ORC2: variants seen among roughly 807,000 people sequenced by gnomAD.
ORC2 encodes the protein origin recognition complex protein 2 homolog.
In ORC2, 37 loss-of-function variants were observed where a neutral mutation model predicts 77.7. The observed-to-expected ratio is 0.48, with a 90% CI of 0.37 to 0.63. The LOEUF is 0.63. ORC2 is among the 20% of genes least tolerant of loss of function. The pLI is 0.00. For missense variants in ORC2, 557 were observed against 661.9 expected (o/e 0.84, Z 1.74); for synonymous variants, 201 against 229.5 (o/e 0.88, Z 1.12).
intron 2 of ORC2, among the ~76,000 whole-genome samples, 191 bp from the exon 3 acceptor site, chr2:200,958,324 T>C (rs1286698893): frequency 6.6e-6 from 1 of 152,142 alleles, no homozygotes; most frequent in Non-Finnish European, 1.5e-5. Context: ...TCTAAAAAAT[T>C]GGGGAGGCAA....
chr2:200,942,848 C>A (rs879680741), intron 5 of ORC2, 71 bp from the exon 6 acceptor site: 4 of 848,418 alleles, frequency 4.7e-6, no homozygotes, highest in Non-Finnish European at 7.2e-6. Flanking sequence ...AACCTTATTA[C>A]GCTTACAAAA....
chr2:200,929,364 A>G (rs931919281), intron 11 of ORC2, among the ~76,000 whole-genome samples: 3 of 152,226 alleles, frequency 2.0e-5, no homozygotes, highest in Non-Finnish European at 4.4e-5. Context: ...AATGGACAGG[A>G]AGGAACAAAA....
rs1230467765 is a variant in ORC2 at position 200,909,148 on chromosome 2, AAAAG to A, written c.*2149_*2152del. 6.6e-6 allele frequency: 1 copy of A among 152,190 alleles called. No homozygotes were observed. Among genetic ancestry groups the A allele is most frequent in the Non-Finnish European group, 1.5e-5 (1 of 68,036 alleles). 9.4% of individuals were successfully genotyped at this position (152,190 alleles called of 1,614,324 possible). On this transcript the variant is annotated 3_prime_UTR_variant, in exon 18 of 18. Coordinates refer to ENST00000234296, the MANE Select transcript of ORC2 (RefSeq NM_006190.5). ...TTATAAACTAGATATATTAAGCAAA[AAAAG>A]CAAGGTGCAAACCAGCAAGTATGAT...
At chr2:200,955,987 C>A (rs2041457520) in intron 4 of ORC2, among the ~76,000 whole-genome samples, 1 of 152,190 alleles carries the variant, frequency 6.6e-6, no homozygotes, top group African/African-American at 2.4e-5. Context: ...AAATGCTCCT[C>A]CTAGTTCTGT....
chr2:200,928,932 A>G (rs1395389965), intron 11 of ORC2, among the ~76,000 whole-genome samples: 1 of 152,200 alleles, frequency 6.6e-6, no homozygotes, highest in Non-Finnish European at 1.5e-5. Flanking sequence ...ATACTAAACC[A>G]TTAATTCACT....
rs186647776 is a variant in ORC2, at chr2:200,934,348, T to C, written c.709-374A>G. Among the ~76,000 whole-genome samples the C allele has an allele frequency of 1.9e-3, 282 of 152,048 alleles. 3 individuals carry two copies. The highest frequency in any genetic ancestry group is 6.4e-3 in the African/African-American group (266 of 41,460). On this transcript the variant is annotated intron_variant, in intron 9 of 17. Coordinates refer to ENST00000234296, the MANE Select transcript of ORC2 (RefSeq NM_006190.5). ...TTTCTTTATTGAGGAAGGGTCTCACTCTGTCACCCAGGCTGCAGTGTAGTG... is the reference window on the plus strand; with the variant it reads ...TTTCTTTATTGAGGAAGGGTCTCACCCTGTCACCCAGGCTGCAGTGTAGTG...
intron 4 of ORC2, among the ~76,000 whole-genome samples, chr2:200,952,194 G>T (rs1459624619): frequency 6.6e-6 from 1 of 151,766 alleles, no homozygotes; most frequent in East Asian, 1.9e-4. Flanking sequence ...TTACTGCAAT[G>T]ATAGAACTAC....
intron 4 of ORC2, among the ~76,000 whole-genome samples, chr2:200,952,750 T>C (rs561543784): frequency 1.0e-3 from 151 of 151,730 alleles, no homozygotes; most frequent in African/African-American, 3.6e-3. Context: ...TATCAGTTTA[T>C]TGGAAGAAAA....
Position 200,935,685 on chromosome 2 carries a change from C to G in ORC2, c.708+14G>C. Reference sequence around the variant, plus strand: ...CAATTTTTCTTTAAGGTTAAAGTCTCTCTCTTCACTTACTGTTTTATCTCT... The same window carrying G: ...CAATTTTTCTTTAAGGTTAAAGTCTGTCTCTTCACTTACTGTTTTATCTCT... On this transcript the variant is annotated intron_variant, in intron 9 of 17. Transcript: ENST00000234296. 6.4e-7 allele frequency: 1 copy of G among 1,571,086 alleles called. No individual in the cohort carries two copies. The highest frequency in any genetic ancestry group is 1.4e-5 in the African/African-American group (1 of 72,894).
At chr2:200,941,861 C>T (rs901421880) in intron 6 of ORC2, among the ~76,000 whole-genome samples, 4 of 152,076 alleles carry the variant, frequency 2.6e-5, no homozygotes. Flanking sequence ...TTGGCAGGTA[C>T]CTGTAATCCC....
chr2:200,931,193 C>G (rs565478355), intron 11 of ORC2, 146 bp downstream of exon 11: 1 of 411,750 alleles, frequency 2.4e-6, no homozygotes, highest in African/African-American at 2.1e-5. Flanking sequence ...ATATCTGAGT[C>G]ATAATGTCTA....
chr2:200,930,506 C>CTT (rs572005723), intron 11 of ORC2, among the ~76,000 whole-genome samples: 4 of 136,290 alleles, frequency 2.9e-5, no homozygotes, highest in South Asian at 2.4e-4. Flanking sequence ...CCTAGCATAA[C>CTT]TTTTTTTTTT....
At chr2:200,920,885 A>C in intron 14 of ORC2, 108 bp downstream of exon 14, 3 of 663,910 alleles carry the variant, frequency 4.5e-6, no homozygotes, top group East Asian at 3.4e-5. Flanking sequence ...AACATGTAAA[A>C]GGGGAAAAAG....
At position 200,921,114 on chromosome 2, in the gene ORC2, G is replaced by A. The variant is rs2307362; in HGVS notation, c.1173C>T (p.Leu391=). 263,031 of 1,592,800 alleles carry A rather than the reference G, an allele frequency of 0.17. 24,732 individuals carry two copies. The highest frequency in any genetic ancestry group is 0.37 in the African/African-American group (27,682 of 74,084). Residue 391 remains leucine (L), a synonymous_variant, in exon 14 of 18, where the codon CTC becomes CTT. Transcript: ENST00000234296. ...ACATCTGGCTATCCAAATTGTGGAT[G>A]AGAAGGAAGAGTTCTAAAGAAGAAT... ...KEDSSLELFL[L]IHNLDSQMLR... is the part of the protein sequence containing the mutation.
At chr2:200,945,662 AT>A (rs1319851689) in intron 5 of ORC2, among the ~76,000 whole-genome samples, 4 of 152,124 alleles carry the variant, frequency 2.6e-5, no homozygotes, top group African/African-American at 9.7e-5. Flanking sequence ...TCTGTATTGT[AT>A]TTTACACAAT....
intron 4 of ORC2, among the ~76,000 whole-genome samples, chr2:200,953,660 G>A (rs773131258): frequency 3.3e-5 from 5 of 152,114 alleles, no homozygotes; most frequent in Non-Finnish European, 4.4e-5. Context: ...AGCATCATTC[G>A]CAATACCCAA....
rs748842286 is a variant in ORC2 at position 200,913,924 on chromosome 2, T to C, written c.1528+7A>G. 6.3e-7 allele frequency: 1 copy of C among 1,583,980 alleles called. No individual in the cohort carries two copies. Among genetic ancestry groups the C allele is most frequent in the Non-Finnish European group, 8.5e-7 (1 of 1,171,196 alleles). Reference sequence around the variant, plus strand: ...TTACACAATTGAATGTCATAAATATTGGATACCAATGTAAGAAGGGTTATC... The same window carrying C: ...TTACACAATTGAATGTCATAAATATCGGATACCAATGTAAGAAGGGTTATC... On this transcript the variant is annotated splice_region_variant and intron_variant, in intron 16 of 17. Coordinates refer to ENST00000234296, the MANE Select transcript of ORC2 (RefSeq NM_006190.5).
In ORC2 at chr2:200,949,644, C is replaced by A; in HGVS notation, c.239-1G>T. On this transcript the variant is annotated splice_acceptor_variant, in intron 4 of 17. Coordinates refer to ENST00000234296, the MANE Select transcript of ORC2 (RefSeq NM_006190.5). LOFTEE classifies it high-confidence loss of function. ...GTAGCAGAGCCATTTTTCAATGATT[C>A]TGAAAGAAAAAAATGCAATATACAT... The A allele has an allele frequency of 6.4e-7, 1 of 1,559,796 alleles. No homozygotes were observed. Among genetic ancestry groups the A allele is most frequent in the Non-Finnish European group, 8.8e-7 (1 of 1,141,094 alleles).
At position 200,941,174 on chromosome 2, in the gene ORC2, T is replaced by C. The variant is rs574943853; in HGVS notation, c.453+74A>G. On this transcript the variant is annotated intron_variant, in intron 7 of 17. Coordinates refer to ENST00000234296, the MANE Select transcript of ORC2 (RefSeq NM_006190.5). Reference sequence around the variant, plus strand: ...ATAAATTAAGAGATCAATTTTTTCATTGAATTTCTGGCAATTTTTCATCAT... The same window carrying C: ...ATAAATTAAGAGATCAATTTTTTCACTGAATTTCTGGCAATTTTTCATCAT... The C allele has an allele frequency of 3.7e-5, 46 of 1,229,460 alleles. 2 individuals carry two copies. In the South Asian group the frequency reaches 5.6e-4, roughly 15 times the overall value. The allele number at this position is 1,229,460 out of a possible 1,614,324, so 76.2% of individuals were successfully genotyped here. A position where few individuals can be genotyped will look rare whatever the true frequency, so the allele number is the denominator to read the frequency against.
Sources: gnomAD v4.1 joint callset for allele counts (sites outside exome capture counted in the v4.1 genomes callset) on GRCh38, gnomAD v4.1.1 for gene constraint, MANE v1.5 for transcripts, NCBI Gene and HGNC (gene_info 2026-07-23, HGNC 2026-07-21) for gene names.